The following NFATC1 variants were observed in gnomAD, a reference collection of about 807,000 sequenced individuals.
NFATC1 encodes the protein nuclear factor of activated T cells 1.
Under a neutral mutation model 76.0 loss-of-function variants are expected in NFATC1, and 22 were observed. The ratio of observed to expected loss-of-function variants is 0.29; its 90% CI spans 0.21 to 0.41. NFATC1 has a LOEUF of 0.41. NFATC1 is among the 10% of genes least tolerant of loss of function. The pLI is 1.00. For synonymous variants in NFATC1, 704 were observed against 613.1 expected, an observed-to-expected ratio of 1.15 and a Z score of -2.19; for missense variants, 1,357 against 1,337.7, an observed-to-expected ratio of 1.01 and a Z score of -0.23.
chr18:79,472,273 AG>A (rs1402749699), intron 8 of NFATC1, among the ~76,000 whole-genome samples: 1 of 152,112 alleles, frequency 6.6e-6, no homozygotes, highest in East Asian at 1.9e-4. Context: ...CCCTCTAGGA[AG>A]CCCCCTCCAG....
At chr18:79,407,875 G>A (rs1384404183) in intron 1 of NFATC1, among the ~76,000 whole-genome samples, 4 of 152,190 alleles carry the variant, frequency 2.6e-5, no homozygotes, top group East Asian at 1.9e-4. Context: ...TCCCCAAGGC[G>A]CTCAGCCTCA....
Position 79,455,867 on chromosome 18 carries a change from C to T in NFATC1, c.1903+4051C>T, listed in dbSNP as rs1296823266. ...CAGGCCTGTGGGCAGGCACTAGCCA[C>T]ACTGCAGGAGACGCAGGCTAGGTTT... is the stretch of plus-strand genomic sequence containing the variant. On this transcript the variant is annotated intron_variant, in intron 6 of 9. Coordinates refer to ENST00000427363, the MANE Select transcript of NFATC1 (RefSeq NM_001278669.2). Among the ~76,000 whole-genome samples, 4 of 152,152 alleles carry T rather than the reference C, an allele frequency of 2.6e-5. No individual in the cohort carries two copies. In the East Asian group the frequency reaches 5.8e-4, roughly 22 times the overall value.
At chr18:79,503,551 T>C (rs905795837) in intron 9 of NFATC1, among the ~76,000 whole-genome samples, 1 of 152,212 alleles carries the variant, frequency 6.6e-6, no homozygotes, top group Non-Finnish European at 1.5e-5. Flanking sequence ...ATCCGGGCTT[T>C]GTCGCTCCAT....
intron 9 of NFATC1, among the ~76,000 whole-genome samples, chr18:79,518,779 T>C (rs1327378196): frequency 2.0e-5 from 3 of 152,200 alleles, no homozygotes; most frequent in Admixed American, 2.0e-4. Context: ...CCGGGTGCTC[T>C]GGAGGGGTGT....
chr18:79,499,241 CT>C (rs2089962834), intron 9 of NFATC1, among the ~76,000 whole-genome samples: 1 of 152,208 alleles, frequency 6.6e-6, no homozygotes, highest in Non-Finnish European at 1.5e-5. Flanking sequence ...AAAGCAAAGT[CT>C]TTACATATTA....
chr18:79,477,277 T>C (rs763008805), intron 8 of NFATC1, among the ~76,000 whole-genome samples: 10 of 152,248 alleles, frequency 6.6e-5, no homozygotes, highest in Non-Finnish European at 1.0e-4. Flanking sequence ...TCCAGGGGTT[T>C]AGACTTTGAA....
Position 79,486,657 on chromosome 18 carries a change from C to T in NFATC1, c.2502C>T (p.Cys834=). Residue 834 remains cysteine, a synonymous_variant, in exon 9 of 10, where the codon TGC becomes TGT. Coordinates refer to ENST00000427363, the MANE Select transcript of NFATC1 (RefSeq NM_001278669.2). ...TGAGTGCGCCTCCAAGCAGTAGCTGCCCCCCTGGTCTCGAACACTCGCTCT... is the reference window on the plus strand; with the variant it reads ...TGAGTGCGCCTCCAAGCAGTAGCTGTCCCCCTGGTCTCGAACACTCGCTCT... ...QQVSAPPSSS[C]PPGLEHSLCP... is the part of the protein sequence containing the mutation. 6.2e-7 allele frequency: 1 copy of T among 1,603,100 alleles called. No homozygotes were observed. The highest frequency in any genetic ancestry group is 8.5e-7 in the Non-Finnish European group (1 of 1,177,674).
At chr18:79,443,357 A>T (rs938479002) in intron 3 of NFATC1, among the ~76,000 whole-genome samples, 3 of 152,202 alleles carry the variant, frequency 2.0e-5, no homozygotes, top group African/African-American at 7.2e-5. Flanking sequence ...AGGAAGACGA[A>T]TCGGTCAGTC....
chr18:79,444,405 G>A (rs1438401378), intron 3 of NFATC1, among the ~76,000 whole-genome samples: 5 of 152,110 alleles, frequency 3.3e-5, no homozygotes, highest in African/African-American at 9.7e-5. Context: ...GGTGTGCGGC[G>A]TCAGGCTGTG....
intron 9 of NFATC1, among the ~76,000 whole-genome samples, chr18:79,503,700 G>A (rs2090060747): frequency 6.6e-6 from 1 of 152,182 alleles, no homozygotes; most frequent in Non-Finnish European, 1.5e-5. Flanking sequence ...GTCCTTGGAA[G>A]CTTTGCAGCC....
chr18:79,429,635 G>T (rs1289543819), intron 2 of NFATC1, among the ~76,000 whole-genome samples: 3 of 152,216 alleles, frequency 2.0e-5, no homozygotes, highest in African/African-American at 7.2e-5. Flanking sequence ...CTCCGCAGCA[G>T]TGCAGGCTCC....
intron 9 of NFATC1, among the ~76,000 whole-genome samples, chr18:79,503,568 C>T (rs149165322): frequency 1.4e-4 from 21 of 152,264 alleles, no homozygotes; most frequent in Middle Eastern, 3.4e-3. Context: ...CCATGGGTGG[C>T]GCACAGGCAG....
chr18:79,479,755 G>C (rs527635200), intron 8 of NFATC1, among the ~76,000 whole-genome samples: 1 of 152,208 alleles, frequency 6.6e-6, no homozygotes, highest in African/African-American at 2.4e-5. Context: ...CGGGTGCCTC[G>C]CGCATCCCTG....
intron 1 of NFATC1, among the ~76,000 whole-genome samples, chr18:79,397,169 GT>G (rs2085035755): frequency 2.0e-5 from 3 of 152,208 alleles, no homozygotes; most frequent in Admixed American, 1.3e-4. Context: ...GCGATGCCGG[GT>G]GGGCTCCTGC....
At chr18:79,455,004 T>G (rs2087626898) in intron 6 of NFATC1, among the ~76,000 whole-genome samples, 1 of 152,146 alleles carries the variant, frequency 6.6e-6, no homozygotes, top group Non-Finnish European at 1.5e-5. Flanking sequence ...ACGTTCAACA[T>G]AAACGAAACG....
At chr18:79,450,888 G>C (rs1389342532) in intron 4 of NFATC1, 66 bp from the exon 5 acceptor site, 7 of 1,553,486 alleles carry the variant, frequency 4.5e-6, no homozygotes. Context: ...AGGGTCTGGG[G>C]GGCCAGGCCT....
intron 2 of NFATC1, among the ~76,000 whole-genome samples, chr18:79,432,909 C>G (rs984799715): frequency 3.3e-5 from 5 of 152,220 alleles, no homozygotes; most frequent in Admixed American, 6.5e-5. Flanking sequence ...GCTCTGAGGA[C>G]AGCCCCAGCA....
chr18:79,464,336 C>T (rs2088316984), intron 7 of NFATC1, among the ~76,000 whole-genome samples: 1 of 149,664 alleles, frequency 6.7e-6, no homozygotes, highest in Non-Finnish European at 1.5e-5. Flanking sequence ...CTCAGGTGAT[C>T]CGCCCACCGT....
intron 6 of NFATC1, among the ~76,000 whole-genome samples, chr18:79,459,070 C>T (rs1445428605): frequency 6.6e-6 from 1 of 152,260 alleles, no homozygotes; most frequent in East Asian, 1.9e-4. Context: ...CAGGCGCTGG[C>T]TCAGCCGGGG....
Sources: gnomAD v4.1 joint callset for allele counts (sites outside exome capture counted in the v4.1 genomes callset) on GRCh38, gnomAD v4.1.1 for gene constraint, MANE v1.5 for transcripts, NCBI Gene and HGNC (gene_info 2026-07-23, HGNC 2026-07-21) for gene names.